TCF20: variants seen among roughly 807,000 people sequenced by gnomAD.
TCF20 encodes the protein SPRE-binding protein.
A neutral mutation model predicts 148.6 loss-of-function variants in TCF20; 3 were observed. The ratio of observed to expected loss-of-function variants is 0.02; its 90% CI spans 0.01 to 0.05. The LOEUF (loss-of-function observed/expected upper bound fraction) is 0.05, where lower values mean the gene tolerates loss of function less well. Among genes scored for constraint, TCF20 ranks in the 10% least tolerant of loss-of-function variants. TCF20 has a pLI of 1.00. For missense variants in TCF20, 2,350 were observed against 2,429.3 expected (o/e 0.97, Z 0.69); for synonymous variants, 1,049 against 909.5 (o/e 1.15, Z -2.76).
intron 1 of TCF20, among the ~76,000 whole-genome samples, chr22:42,268,966 TAAA>T (rs1182746078): frequency 6.6e-6 from 1 of 151,986 alleles, no homozygotes; most frequent in African/African-American, 2.4e-5. Flanking sequence ...AAATGAGAGA[TAAA>T]AAAGCAAAAC....
chr22:42,293,554 T>A (rs891802439), intron 1 of TCF20, among the ~76,000 whole-genome samples: 1 of 152,110 alleles, frequency 6.6e-6, no homozygotes, highest in African/African-American at 2.4e-5. Context: ...ATCTCAGGTG[T>A]CCCTGCCTGA....
At chr22:42,204,040 A>C (rs1407173972) in intron 2 of TCF20, among the ~76,000 whole-genome samples, 1 of 152,192 alleles carries the variant, frequency 6.6e-6, no homozygotes, top group Non-Finnish European at 1.5e-5. Context: ...GGCTGTTTTG[A>C]TGTTTTAATA....
At chr22:42,235,900 A>G (rs924633030) in intron 1 of TCF20, among the ~76,000 whole-genome samples, 5 of 152,248 alleles carry the variant, frequency 3.3e-5, no homozygotes, top group African/African-American at 1.2e-4. Flanking sequence ...CAATAATAAA[A>G]TAAGTAAAAG....
At chr22:42,200,666 A>G (rs1233009232) in intron 2 of TCF20, among the ~76,000 whole-genome samples, 3 of 143,828 alleles carry the variant, frequency 2.1e-5, no homozygotes, top group Non-Finnish European at 4.6e-5. Flanking sequence ...AAAAAAGTCT[A>G]TCAACTTTGA....
intron 1 of TCF20, among the ~76,000 whole-genome samples, chr22:42,313,845 C>T (rs1043471848): frequency 1.1e-4 from 16 of 152,172 alleles, no homozygotes; most frequent in Non-Finnish European, 2.1e-4. Flanking sequence ...AGTGATCTGC[C>T]CGCCTCGGCC....
chr22:42,341,243 G>A (rs1255612917), intron 1 of TCF20, among the ~76,000 whole-genome samples: 1 of 152,174 alleles, frequency 6.6e-6, no homozygotes, highest in Non-Finnish European at 1.5e-5. Context: ...GTCACCCCGG[G>A]GGACACGCTA....
chr22:42,208,584 C>T (rs376460201), intron 2 of TCF20, among the ~76,000 whole-genome samples: 1 of 151,804 alleles, frequency 6.6e-6, no homozygotes, highest in Non-Finnish European at 1.5e-5. Flanking sequence ...GCCTGAGTGA[C>T]AACAAAACAA....
chr22:42,269,315 G>C (rs978896502), intron 1 of TCF20, among the ~76,000 whole-genome samples: 1 of 152,112 alleles, frequency 6.6e-6, no homozygotes, highest in Non-Finnish European at 1.5e-5. Context: ...AAAGCAAAAA[G>C]GAAAAGGGGG....
rs1053735686 is a variant in TCF20 at position 42,299,289 on chromosome 22, G to A, written c.-37+44190C>T. Among the ~76,000 whole-genome samples, 5 of 152,078 alleles carry A rather than the reference G, an allele frequency of 3.3e-5. No homozygotes were observed. Among genetic ancestry groups the A allele is most frequent in the African/African-American group, 1.2e-4 (5 of 41,382 alleles). On this transcript the variant is annotated intron_variant, in intron 1 of 1. Coordinates refer to the TCF20 transcript ENST00000515426. This position sits in a 1 kb window ranked among gnomAD's most constrained non-coding sequence, Gnocchi z 4.1. ...GGAGGTGAGGCCATGTCTGGCTGGG[G>A]GTGCAGGAACTGAGGGTCCTTCCCA...
intron 1 of TCF20, chr22:42,278,894 A>T (rs1926840607): frequency 6.6e-6 from 1 of 152,310 alleles, no homozygotes; most frequent in South Asian, 2.1e-4. Context: ...ATTGCCCTTA[A>T]GCAACCCCAT....
chr22:42,268,846 T>C (rs1926434717), intron 1 of TCF20, among the ~76,000 whole-genome samples: 1 of 152,234 alleles, frequency 6.6e-6, no homozygotes. Context: ...GACCAACTTT[T>C]ATGCTCTGTT....
chr22:42,206,255 C>T (rs1045842760), intron 2 of TCF20, among the ~76,000 whole-genome samples: 2 of 152,060 alleles, frequency 1.3e-5, no homozygotes, highest in Non-Finnish European at 2.9e-5. Flanking sequence ...CACATATGCA[C>T]ATCAAAAAGC....
chr22:42,218,053 T>C (rs1921984389), intron 1 of TCF20, among the ~76,000 whole-genome samples: 1 of 152,246 alleles, frequency 6.6e-6, no homozygotes, highest in South Asian at 2.1e-4. Context: ...CCAGTGAATC[T>C]GCAGGGCAGT....
In TCF20 at chr22:42,338,497, C is replaced by T. The variant is rs1464873896; in HGVS notation, c.-37+4982G>A. Among the ~76,000 whole-genome samples the T allele has an allele frequency of 4.6e-5, 7 of 152,222 alleles. No homozygotes were observed. The highest frequency in any genetic ancestry group is 1.2e-4 in the African/African-American group (5 of 41,460). On this transcript the variant is annotated intron_variant, in intron 1 of 1. Coordinates refer to the TCF20 transcript ENST00000515426. This position sits in a 1 kb window ranked among gnomAD's most constrained non-coding sequence, Gnocchi z 4.0. ...CCTGCAGGGGCCACTCGGCCAATCCCGAAGAGCTCGCTCAGGGGCTGCGAG... is the reference window on the plus strand; with the variant it reads ...CCTGCAGGGGCCACTCGGCCAATCCTGAAGAGCTCGCTCAGGGGCTGCGAG...
At chr22:42,296,402 A>G (rs1029179562) in intron 1 of TCF20, among the ~76,000 whole-genome samples, 1 of 152,212 alleles carries the variant, frequency 6.6e-6, no homozygotes, top group African/African-American at 2.4e-5. Flanking sequence ...AACGGCGCCA[A>G]CTTGGGGGTG....
chr22:42,326,113 G>T (rs1184479686), intron 1 of TCF20, among the ~76,000 whole-genome samples: 1 of 151,982 alleles, frequency 6.6e-6, no homozygotes, highest in African/African-American at 2.4e-5. Context: ...CTCCCCCCAG[G>T]AGAGGAAGGA....
In TCF20 at chr22:42,290,624, C is replaced by A. The variant is rs529498815; in HGVS notation, c.-37+52855G>T. On this transcript the variant is annotated intron_variant, in intron 1 of 1. Coordinates refer to the TCF20 transcript ENST00000515426. This position sits in a 1 kb window ranked among gnomAD's most constrained non-coding sequence, Gnocchi z 4.2. ...AAAGGCTTCTGGTTTCTGGAGGGTA[C>A]CAGAGGAGAAGGAGCGCGTGCCCCT... Among the ~76,000 whole-genome samples, 1 of 152,212 alleles carries A rather than the reference C, an allele frequency of 6.6e-6. No homozygotes were observed. The highest frequency in any genetic ancestry group is 1.9e-4 in the East Asian group (1 of 5,150).
At chr22:42,245,352 G>A (rs370038207) in intron 1 of TCF20, among the ~76,000 whole-genome samples, 2 of 152,028 alleles carry the variant, frequency 1.3e-5, no homozygotes, top group Non-Finnish European at 2.9e-5. Flanking sequence ...CATTGTAGGC[G>A]TCAACTACTG....
chr22:42,292,238 G>A lies in TCF20; in HGVS notation c.-37+51241C>T, dbSNP rs1927146143. Among the ~76,000 whole-genome samples, 2 of 152,304 alleles carry A rather than the reference G, an allele frequency of 1.3e-5. No individual in the cohort carries two copies. Among genetic ancestry groups the A allele is most frequent in the South Asian group, 2.1e-4 (1 of 4,830 alleles). On this transcript the variant is annotated intron_variant, in intron 1 of 1. Transcript: ENST00000515426. This position sits in a 1 kb window ranked among gnomAD's most constrained non-coding sequence, Gnocchi z 4.9. ...TTTTGCAAGAAGAAAGCTCACCCAGGTCCCACGGCGGTAGTAGGCAATACC... is the reference window on the plus strand; with the variant it reads ...TTTTGCAAGAAGAAAGCTCACCCAGATCCCACGGCGGTAGTAGGCAATACC...
Sources: allele counts gnomAD v4.1 joint callset (sites outside exome capture counted in the v4.1 genomes callset), GRCh38; gene constraint gnomAD v4.1.1; non-coding constraint Gnocchi (gnomAD v3.1); transcripts MANE v1.5; gene names NCBI Gene and HGNC (gene_info 2026-07-23, HGNC 2026-07-21).